Variants in DDA1 observed in about 807,000 individuals in gnomAD.
DDA1 encodes DET1- and DDB1-associated protein 1.
A neutral mutation model predicts 18.6 loss-of-function variants in DDA1; 3 were observed. The observed-to-expected ratio is 0.16, with a 90% CI of 0.07 to 0.42. The LOEUF (loss-of-function observed/expected upper bound fraction) is 0.42, where lower values mean the gene tolerates loss of function less well. DDA1 is among the 10% of genes least tolerant of loss of function. The pLI, the probability that DDA1 is intolerant of heterozygous loss-of-function variation, is 0.99. For missense variants in DDA1, 105 were observed against 138.2 expected (o/e 0.76, Z 1.20); for synonymous variants, 52 against 54.0 (o/e 0.96, Z 0.17).
rs1221282448 is a variant in DDA1, at chr19:17,322,669, C to G, written c.*3013C>G. 6.6e-6 allele frequency: 1 copy of G among 152,318 alleles called. No individual in the cohort carries two copies. Among genetic ancestry groups the G allele is most frequent in the African/African-American group, 2.4e-5 (1 of 41,462 alleles). 9.4% of individuals were successfully genotyped at this position (152,318 alleles called of 1,614,324 possible). ...GAGTCATACGACAGAGTCCCAGTGA[C>G]TTGGGTCTGATGTCTGTCCCACAGT... On this transcript the variant is annotated 3_prime_UTR_variant, in exon 5 of 5. Coordinates refer to ENST00000359866, the MANE Select transcript of DDA1 (RefSeq NM_024050.6).
chr19:17,316,128 C>A (rs1279457557), intron 4 of DDA1, 133 bp downstream of exon 4: 1 of 1,004,216 alleles, frequency 1.0e-6, no homozygotes, highest in Non-Finnish European at 1.5e-6. Context: ...GTGCCCTGGG[C>A]GATCCAGGAG....
intron 1 of DDA1, among the ~76,000 whole-genome samples, chr19:17,310,826 T>C (rs185754335): frequency 1.1e-4 from 16 of 152,342 alleles, no homozygotes; most frequent in African/African-American, 3.8e-4. Flanking sequence ...AATTCATCCA[T>C]GGCTTCATGC....
rs1599540349 is a variant in DDA1 at position 17,322,508 on chromosome 19, A to C, written c.*2852A>C. Reference sequence around the variant, plus strand: ...AACTCTGACTTCTCCACAGCCTCCCAAAGGGCCCCTTGCTCACACTGGCCC... The same window carrying C: ...AACTCTGACTTCTCCACAGCCTCCCCAAGGGCCCCTTGCTCACACTGGCCC... On this transcript the variant is annotated 3_prime_UTR_variant, in exon 5 of 5. Coordinates refer to ENST00000359866, the MANE Select transcript of DDA1 (RefSeq NM_024050.6). 1 of 152,564 alleles carries C rather than the reference A, an allele frequency of 6.6e-6. No homozygotes were observed. Among genetic ancestry groups the C allele is most frequent in the African/African-American group, 2.4e-5 (1 of 41,430 alleles). 9.5% of individuals were successfully genotyped at this position (152,564 alleles called of 1,614,324 possible).
chr19:17,312,139 C>T (rs1378235321), intron 1 of DDA1, among the ~76,000 whole-genome samples: 2 of 152,146 alleles, frequency 1.3e-5, no homozygotes, highest in African/African-American at 4.8e-5. Flanking sequence ...TGGGAAGTCC[C>T]TCGTCCCAGG....
chr19:17,316,977 C>A (rs34893599), intron 4 of DDA1, among the ~76,000 whole-genome samples: 56,298 of 151,540 alleles, frequency 0.37, 10,913 homozygotes, highest in Non-Finnish European at 0.44. Context: ...CTGTAATCCC[C>A]GCGCTTTGGG....
chr19:17,317,212 G>GA (rs2074217531), intron 4 of DDA1, among the ~76,000 whole-genome samples: 1 of 149,884 alleles, frequency 6.7e-6, no homozygotes, highest in African/African-American at 2.5e-5. Flanking sequence ...GCGGTCTCAA[G>GA]AAAAAAAGAA....
chr19:17,315,680 G>A (rs1158087837), intron 3 of DDA1: 14 of 568,312 alleles, frequency 2.5e-5, no homozygotes, highest in Non-Finnish European at 4.1e-5. Flanking sequence ...ACATAGGCAT[G>A]AGAGTCTCAG....
At chr19:17,309,763 C>A in intron 1 of DDA1, 106 bp downstream of exon 1, 2 of 1,417,084 alleles carry the variant, frequency 1.4e-6, no homozygotes, top group South Asian at 2.8e-5. Context: ...TCTGCCCGGT[C>A]CCCTCAGGTC....
intron 4 of DDA1, among the ~76,000 whole-genome samples, chr19:17,319,079 G>T (rs1380993005): frequency 6.6e-6 from 1 of 152,178 alleles, no homozygotes; most frequent in Admixed American, 6.5e-5. Flanking sequence ...TTCCCAGGCT[G>T]GGTGGGTTGC....
At chr19:17,315,467 G>A (rs2074208847) in intron 3 of DDA1, among the ~76,000 whole-genome samples, 1 of 88,822 alleles carries the variant, frequency 1.1e-5, no homozygotes, top group African/African-American at 6.6e-5. Flanking sequence ...AGCCGGGCGT[G>A]GTGGCATGCA....
intron 4 of DDA1, 71 bp from the exon 5 acceptor site, chr19:17,319,475 G>A: frequency 1.5e-6 from 2 of 1,323,586 alleles, no homozygotes; most frequent in African/African-American, 1.5e-5. Context: ...TGGGAGGATT[G>A]CTTGAGCCCA....
In DDA1 at chr19:17,314,809, A is replaced by C. The variant is rs2074194961; in HGVS notation, c.136+420A>C. 1 of 208,582 alleles carries C rather than the reference A, an allele frequency of 4.8e-6. No homozygotes were observed. Among genetic ancestry groups the C allele is most frequent in the Non-Finnish European group, 9.9e-6 (1 of 101,032 alleles). The allele number at this position is 208,582 out of a possible 1,614,324, so 12.9% of individuals were successfully genotyped here. A position where few individuals can be genotyped will look rare whatever the true frequency, so the allele number is the denominator to read the frequency against. ...TTCTAAGACAAGTGCTATCGGGCAG[A>C]GAGGCAGCAGAGGGCTACAGGGGCT... On this transcript the variant is annotated intron_variant, in intron 3 of 4. Coordinates refer to ENST00000359866, the MANE Select transcript of DDA1 (RefSeq NM_024050.6). The surrounding 1 kb of genome is among the most constrained non-coding windows in gnomAD (Gnocchi z 4.6).
At chr19:17,318,338 TCTC>T (rs1265536920) in intron 4 of DDA1, among the ~76,000 whole-genome samples, 1 of 152,206 alleles carries the variant, frequency 6.6e-6, no homozygotes, top group Non-Finnish European at 1.5e-5. Flanking sequence ...TTCAAGCGAT[TCTC>T]CTGCCTCAGC....
chr19:17,315,870 C>A, intron 3 of DDA1, 64 bp from the exon 4 acceptor site: 1 of 1,493,524 alleles, frequency 6.7e-7, no homozygotes, highest in South Asian at 1.1e-5. Context: ...CCTCCCAGGG[C>A]AGTGTCAGGG....
intron 3 of DDA1, among the ~76,000 whole-genome samples, chr19:17,315,295 TAC>T (rs1232256717): frequency 3.1e-5 from 1 of 31,756 alleles, no homozygotes; most frequent in Admixed American, 1.7e-4. Context: ...ACTATATATA[TAC>T]ACACGTGTAT....
chr19:17,319,698 C>T lies in DDA1; in HGVS notation c.*42C>T, dbSNP rs3745188. 135 of 1,528,732 alleles carry T rather than the reference C, an allele frequency of 8.8e-5. 1 individual carries two copies. In the East Asian group the frequency reaches 2.8e-3, roughly 32 times the overall value. 94.7% of individuals were successfully genotyped at this position (1,528,732 alleles called of 1,614,324 possible). ...GGCGCCTCCTGCCAGGTCTGCTCCTCGGTCGCCCACCCGCCTGCCCGCCAT... is the reference window on the plus strand; with the variant it reads ...GGCGCCTCCTGCCAGGTCTGCTCCTTGGTCGCCCACCCGCCTGCCCGCCAT... On this transcript the variant is annotated 3_prime_UTR_variant, in exon 5 of 5. Coordinates refer to ENST00000359866, the MANE Select transcript of DDA1 (RefSeq NM_024050.6).
In DDA1 at chr19:17,321,436, A is replaced by T. The variant is rs887338333; in HGVS notation, c.*1780A>T. On this transcript the variant is annotated 3_prime_UTR_variant, in exon 5 of 5. Coordinates refer to ENST00000359866, the MANE Select transcript of DDA1 (RefSeq NM_024050.6). ...TGGCTGCCTGGCTAATATTTTAAAA[A>T]TTTTTTGTAGAGACAGGGTTTCACC... is the stretch of plus-strand genomic sequence containing the variant. 1.3e-5 allele frequency: 2 copies of T among 152,114 alleles called. No homozygotes were observed. The highest frequency in any genetic ancestry group is 2.4e-5 in the African/African-American group (1 of 41,368). 9.4% of individuals were successfully genotyped at this position (152,114 alleles called of 1,614,324 possible). A position where few individuals can be genotyped will look rare whatever the true frequency, so the allele number is the denominator to read the frequency against.
intron 1 of DDA1, among the ~76,000 whole-genome samples, chr19:17,312,661 C>T (rs2074184686): frequency 6.6e-6 from 1 of 152,178 alleles, no homozygotes; most frequent in Non-Finnish European, 1.5e-5. Context: ...CTCGAGGCAC[C>T]CTGTCCTGCA....
chr19:17,315,139 A>G lies in DDA1; in HGVS notation c.136+750A>G, dbSNP rs1482339051. 1.5e-3 allele frequency among the ~76,000 whole-genome samples: 142 copies of G among 95,904 alleles called. 23 individuals are homozygous for G. Among genetic ancestry groups the G allele is most frequent in the African/African-American group, 7.8e-3 (125 of 15,928 alleles). 62.9% of individuals were successfully genotyped at this position (95,904 alleles called of 152,430 possible). A position where few individuals can be genotyped will look rare whatever the true frequency, so the allele number is the denominator to read the frequency against. On this transcript the variant is annotated intron_variant, in intron 3 of 4. Coordinates refer to ENST00000359866, the MANE Select transcript of DDA1 (RefSeq NM_024050.6). ...CACACACGTATATATACACACATAT[A>G]TATACACACACGTATATATACACAC...
Sources: allele counts gnomAD v4.1 joint callset (sites outside exome capture counted in the v4.1 genomes callset), GRCh38; gene constraint gnomAD v4.1.1; non-coding constraint Gnocchi (gnomAD v3.1); transcripts MANE v1.5; gene names NCBI Gene and HGNC (gene_info 2026-07-23, HGNC 2026-07-21).